Variants in ROR1 observed in about 807,000 individuals in gnomAD.
ROR1 encodes inactive tyrosine-protein kinase transmembrane receptor ROR1.
In ROR1, 19 loss-of-function variants were observed where a neutral mutation model predicts 78.8. The ratio of observed to expected loss-of-function variants is 0.24; its 90% CI spans 0.17 to 0.35. The LOEUF (loss-of-function observed/expected upper bound fraction) is 0.35, where lower values mean the gene tolerates loss of function less well. Among genes scored for constraint, ROR1 ranks in the 10% least tolerant of loss-of-function variants. The pLI, the probability that ROR1 is intolerant of heterozygous loss-of-function variation, is 1.00. For missense variants in ROR1, 917 were observed against 1,177.8 expected (o/e 0.78, Z 3.24); for synonymous variants, 386 against 433.6 (o/e 0.89, Z 1.36).
chr1:63,872,519 G>A (rs936133697), intron 1 of ROR1, among the ~76,000 whole-genome samples: 1 of 152,040 alleles, frequency 6.6e-6, no homozygotes, highest in Admixed American at 6.6e-5. Context: ...AGTAGTGAAC[G>A]TAGCTCCTGA....
intron 1 of ROR1, among the ~76,000 whole-genome samples, chr1:63,916,010 A>AT (rs761870315): frequency 2.1e-4 from 32 of 152,158 alleles, no homozygotes; most frequent in Non-Finnish European, 4.3e-4. Flanking sequence ...ACCTCTCTAG[A>AT]CACTCTAGAA....
At chr1:63,876,683 CGCGTGTGTGTGT>C (rs1488197007) in intron 1 of ROR1, among the ~76,000 whole-genome samples, 1 of 74,946 alleles carries the variant, frequency 1.3e-5, no homozygotes, top group Non-Finnish European at 2.2e-5. Context: ...TGTGTGTGTG[CGCGTGTGTGTGT>C]GAGAACATGT....
intron 1 of ROR1, among the ~76,000 whole-genome samples, chr1:63,945,522 G>A (rs1286648256): frequency 1.3e-5 from 2 of 152,138 alleles, no homozygotes; most frequent in Non-Finnish European, 2.9e-5. Context: ...CTGGGGAGCA[G>A]GCTCACCCAT....
chr1:63,794,114 G>A (rs1328497575), intron 1 of ROR1, among the ~76,000 whole-genome samples: 1 of 152,142 alleles, frequency 6.6e-6, no homozygotes, highest in African/African-American at 2.4e-5. Context: ...AGGGCCAAAG[G>A]GGCCTCTGAC....
At chr1:64,123,198 G>A (rs1466919302) in intron 4 of ROR1, among the ~76,000 whole-genome samples, 1 of 152,140 alleles carries the variant, frequency 6.6e-6, no homozygotes, top group Non-Finnish European at 1.5e-5. Flanking sequence ...TTATAGAACT[G>A]GTTAATAGGC....
chr1:64,120,801 C>A (rs1350213634), intron 4 of ROR1, among the ~76,000 whole-genome samples: 1 of 152,104 alleles, frequency 6.6e-6, no homozygotes, highest in Non-Finnish European at 1.5e-5. Context: ...AGGGTTCAGT[C>A]TAAGTTGGTG....
intron 1 of ROR1, among the ~76,000 whole-genome samples, chr1:63,995,872 A>G (rs925311914): frequency 1.3e-5 from 2 of 152,202 alleles, no homozygotes; most frequent in Admixed American, 1.3e-4. Context: ...ATCTCGGCAC[A>G]TGCTATTAGC....
At chr1:63,989,446 G>A (rs1202289766) in intron 1 of ROR1, among the ~76,000 whole-genome samples, 1 of 151,988 alleles carries the variant, frequency 6.6e-6, no homozygotes, top group Non-Finnish European at 1.5e-5. Flanking sequence ...TCATTGATTA[G>A]TCCATTAAAT....
At chr1:63,872,377 C>T (rs1401325532) in intron 1 of ROR1, among the ~76,000 whole-genome samples, 3 of 152,046 alleles carry the variant, frequency 2.0e-5, no homozygotes, top group Non-Finnish European at 4.4e-5. Flanking sequence ...TAGGCCTGAG[C>T]CCAGCTCCCA....
intron 1 of ROR1, among the ~76,000 whole-genome samples, chr1:63,807,619 G>A (rs1333683462): frequency 6.6e-6 from 1 of 152,302 alleles, no homozygotes; most frequent in South Asian, 2.1e-4. Context: ...GCAATATTTT[G>A]TTATATCATC....
At chr1:63,947,201 G>A (rs940828280) in intron 1 of ROR1, among the ~76,000 whole-genome samples, 9 of 152,126 alleles carry the variant, frequency 5.9e-5, no homozygotes, top group South Asian at 2.1e-4. Flanking sequence ...GTCCGGGAGC[G>A]CGCCCAGTAC....
At chr1:64,017,016 C>A (rs902701622) in intron 2 of ROR1, among the ~76,000 whole-genome samples, 1 of 151,912 alleles carries the variant, frequency 6.6e-6, no homozygotes, top group Non-Finnish European at 1.5e-5. Flanking sequence ...CTCTCAGTCT[C>A]AAGCAATCCT....
At chr1:63,826,550 A>G (rs1644954615) in intron 1 of ROR1, among the ~76,000 whole-genome samples, 1 of 152,066 alleles carries the variant, frequency 6.6e-6, no homozygotes, top group Admixed American at 6.5e-5. Context: ...GTTGCAATGA[A>G]TATATGCATG....
chr1:63,959,354 C>G (rs1646009582), intron 1 of ROR1, among the ~76,000 whole-genome samples: 2 of 152,114 alleles, frequency 1.3e-5, no homozygotes, highest in African/African-American at 4.8e-5. Context: ...CAAACCATAT[C>G]AAGATGATAC....
chr1:64,058,382 G>C (rs1646890983), intron 4 of ROR1, among the ~76,000 whole-genome samples: 1 of 151,858 alleles, frequency 6.6e-6, no homozygotes, highest in South Asian at 2.1e-4. Context: ...GAAGTGGTGA[G>C]AGTGGACATC....
chr1:63,963,019 T>C (rs1326315270), intron 1 of ROR1, among the ~76,000 whole-genome samples: 1 of 152,152 alleles, frequency 6.6e-6, no homozygotes, highest in African/African-American at 2.4e-5. Flanking sequence ...TTCCTTCTTG[T>C]TCGGGTTGGT....
chr1:63,872,701 A>G (rs1217313627), intron 1 of ROR1, among the ~76,000 whole-genome samples: 6 of 152,100 alleles, frequency 3.9e-5, no homozygotes. Context: ...AAAAGTGGGG[A>G]AATATTTAGG....
At chr1:64,073,354 T>C (rs1173443489) in intron 4 of ROR1, among the ~76,000 whole-genome samples, 1 of 151,014 alleles carries the variant, frequency 6.6e-6, no homozygotes, top group Non-Finnish European at 1.5e-5. Context: ...TTACCCATTT[T>C]TCTCCATGGT....
intron 1 of ROR1, among the ~76,000 whole-genome samples, chr1:63,938,473 C>A (rs1645810725): frequency 1.3e-5 from 2 of 152,220 alleles, no homozygotes; most frequent in South Asian, 4.1e-4. Context: ...CCACACTGAG[C>A]ACCATTTATG....
Sources: gnomAD v4.1 joint callset for allele counts (sites outside exome capture counted in the v4.1 genomes callset) on GRCh38, gnomAD v4.1.1 for gene constraint, MANE v1.5 for transcripts, NCBI Gene and HGNC (gene_info 2026-07-23, HGNC 2026-07-21) for gene names.